CELF2: variants seen among roughly 807,000 people sequenced by gnomAD.
CELF2 encodes CUGBP Elav-like family member 2.
In CELF2, 8 loss-of-function variants were observed where a neutral mutation model predicts 62.6. The observed-to-expected ratio is 0.13, with a 90% confidence interval of 0.07 to 0.23. The LOEUF is 0.23. Ranked by LOEUF, CELF2 falls within the 10% of genes least tolerant of loss-of-function variation. The pLI is 1.00. For synonymous variants in CELF2, 258 were observed against 250.0 expected, an observed-to-expected ratio of 1.03 and a Z score of -0.30; for missense variants, 333 against 671.0, an observed-to-expected ratio of 0.50 and a Z score of 5.56.
the CELF2 span, among the ~76,000 whole-genome samples, chr10:10,736,321 G>A: frequency 6.7e-5 from 10 of 150,244 alleles, no homozygotes; most frequent in Non-Finnish European, 1.3e-4. Flanking sequence ...TTTTTGGCTT[G>A]TGGGGTTTGT....
chr10:11,064,194 G>C (rs1471785338), intron 1 of CELF2, among the ~76,000 whole-genome samples: 1 of 152,212 alleles, frequency 6.6e-6, no homozygotes, highest in Non-Finnish European at 1.5e-5. Flanking sequence ...TTCACTGACA[G>C]ATTTAACCTG....
At chr10:10,956,490 C>G (rs922449465) in intron 2 of CELF2, among the ~76,000 whole-genome samples, 3 of 152,210 alleles carry the variant, frequency 2.0e-5, no homozygotes, top group Non-Finnish European at 4.4e-5. Flanking sequence ...CCTGTTTCTG[C>G]TGCTTTTAAG....
At position 11,008,440 on chromosome 10, in the gene CELF2, A is replaced by T. The variant is rs1333911762; in HGVS notation, c.53+3000A>T. Reference sequence around the variant, plus strand: ...TTTGCTTTTTTTAAAATAGGAGGGTATACATTTGCAAAAATCTCCTTTTGG... The same window carrying T: ...TTTGCTTTTTTTAAAATAGGAGGGTTTACATTTGCAAAAATCTCCTTTTGG... On this transcript the variant is annotated intron_variant, in intron 1 of 12. Coordinates refer to the CELF2 transcript ENST00000416382. The surrounding 1 kb of genome is among the most constrained non-coding windows in gnomAD (Gnocchi z 4.5). Among the ~76,000 whole-genome samples the T allele has an allele frequency of 6.6e-6, 1 of 152,186 alleles. No individual in the cohort carries two copies. Among genetic ancestry groups the T allele is most frequent in the Non-Finnish European group, 1.5e-5 (1 of 68,030 alleles).
intron 1 of CELF2, among the ~76,000 whole-genome samples, chr10:10,918,938 T>C (rs1290054461): frequency 6.6e-6 from 1 of 152,156 alleles, no homozygotes; most frequent in Non-Finnish European, 1.5e-5. Context: ...CTTCTACTCA[T>C]TGTTCCCTTC....
intron 1 of CELF2, among the ~76,000 whole-genome samples, chr10:11,034,026 C>CT (rs1804042849): frequency 6.6e-6 from 1 of 152,200 alleles, no homozygotes; most frequent in South Asian, 2.1e-4. Context: ...TATTTAGTCT[C>CT]TAAGTCTCAT....
chr10:11,124,004 G>A (rs1015902214), intron 1 of CELF2, among the ~76,000 whole-genome samples: 3 of 152,150 alleles, frequency 2.0e-5, no homozygotes, highest in Admixed American at 6.5e-5. Flanking sequence ...GAAAGTGAAT[G>A]AGGAGCAAAG....
the CELF2 span, among the ~76,000 whole-genome samples, chr10:10,709,926 T>C: frequency 4.6e-5 from 7 of 152,242 alleles, no homozygotes; most frequent in Non-Finnish European, 1.0e-4. Context: ...AGTAACACTG[T>C]TATAGAAGGG....
In CELF2 at chr10:11,247,850, T is replaced by G. The variant is rs563800851; in HGVS notation, c.355-1303T>G. 1.5e-4 allele frequency among the ~76,000 whole-genome samples: 23 copies of G among 152,288 alleles called. No homozygotes were observed. Among genetic ancestry groups the G allele is most frequent in the African/African-American group, 5.5e-4 (23 of 41,544 alleles). ...AGGTCACATTCCTCAGCCCAACTCATGGCTTTCCACAGGTGACTTGTCCTG... is the reference window on the plus strand; with the variant it reads ...AGGTCACATTCCTCAGCCCAACTCAGGGCTTTCCACAGGTGACTTGTCCTG... On this transcript the variant is annotated intron_variant, in intron 3 of 12. Coordinates refer to ENST00000633077, the MANE Select transcript of CELF2 (RefSeq NM_001326342.2). The surrounding 1 kb of genome is among the most constrained non-coding windows in gnomAD (Gnocchi z 5.4).
In CELF2 at chr10:11,214,366, T is replaced by C. The variant is rs1427663037; in HGVS notation, c.272-3059T>C. ...TCCCCACGGTAAGTCATTCAGAAAC[T>C]AAATGTGAAAAACCAAAAGAAGCCT... On this transcript the variant is annotated intron_variant, in intron 2 of 12. Transcript: ENST00000633077. This position sits in a 1 kb window ranked among gnomAD's most constrained non-coding sequence, Gnocchi z 4.2. 6.6e-6 allele frequency among the ~76,000 whole-genome samples: 1 copy of C among 152,162 alleles called. No individual in the cohort carries two copies. The highest frequency in any genetic ancestry group is 2.4e-5 in the African/African-American group (1 of 41,438).
chr10:10,619,507 G>A, the CELF2 span, among the ~76,000 whole-genome samples: 2 of 152,142 alleles, frequency 1.3e-5, no homozygotes, highest in Non-Finnish European at 2.9e-5. Flanking sequence ...TTGTGTTGGC[G>A]AACACACCAT....
At chr10:10,915,030 A>C (rs1459668707) in intron 1 of CELF2, among the ~76,000 whole-genome samples, 1 of 151,838 alleles carries the variant, frequency 6.6e-6, no homozygotes, top group Non-Finnish European at 1.5e-5. Context: ...TACTCGGGAG[A>C]CTGAGGCAGA....
intron 8 of CELF2, 89 bp downstream of exon 8, chr10:11,275,209 GAGAACCA>G: frequency 7.9e-7 from 1 of 1,266,138 alleles, no homozygotes; most frequent in Non-Finnish European, 1.2e-6. Context: ...AGCAGGGGAA[GAGAACCA>G]AGAATGATGA....
At chr10:10,705,525 A>C in the CELF2 span, among the ~76,000 whole-genome samples, 1 of 152,164 alleles carries the variant, frequency 6.6e-6, no homozygotes, top group Non-Finnish European at 1.5e-5. Flanking sequence ...GGGGTAAAGA[A>C]ATTCCACCTA....
At chr10:10,463,207 A>G in the CELF2 span, among the ~76,000 whole-genome samples, 1 of 152,216 alleles carries the variant, frequency 6.6e-6, no homozygotes, top group Non-Finnish European at 1.5e-5. Flanking sequence ...TTGAGATGCT[A>G]ACTTTGTTCC....
chr10:10,985,310 C>A (rs2052611432), intron 2 of CELF2, among the ~76,000 whole-genome samples: 1 of 150,482 alleles, frequency 6.6e-6, no homozygotes, highest in South Asian at 2.1e-4. Flanking sequence ...TTCTTTAACA[C>A]CCATTAATAG....
intron 2 of CELF2, among the ~76,000 whole-genome samples, chr10:10,963,775 G>A (rs2049815812): frequency 6.6e-6 from 1 of 152,194 alleles, no homozygotes; most frequent in East Asian, 1.9e-4. Flanking sequence ...CATGTAAGGT[G>A]AAGAGAGGGG....
rs190460085 is a variant in CELF2 at position 11,062,580 on chromosome 10, C to T, written c.74+44417C>T. On this transcript the variant is annotated intron_variant, in intron 1 of 12. Transcript: ENST00000633077. ...TGTATGGTGGAGATAGCAAAGAATT[C>T]GAATTAGAGGTGGAGCGTGGAGATG... 2.0e-3 allele frequency among the ~76,000 whole-genome samples: 310 copies of T among 152,160 alleles called. 1 individual carries two copies. Among genetic ancestry groups the T allele is most frequent in the African/African-American group, 6.9e-3 (285 of 41,498 alleles).
chr10:10,777,833 C>T, the CELF2 span, among the ~76,000 whole-genome samples: 5 of 152,144 alleles, frequency 3.3e-5, no homozygotes, highest in African/African-American at 4.8e-5. Context: ...CACTTCCTGG[C>T]CCTTACCCTA....
chr10:10,482,577 A>G, the CELF2 span, among the ~76,000 whole-genome samples: 1 of 152,240 alleles, frequency 6.6e-6, no homozygotes, highest in African/African-American at 2.4e-5. Flanking sequence ...TCAAACTTAC[A>G]CCAAAGACAA....
Sources: gnomAD v4.1 joint callset for allele counts (sites outside exome capture counted in the v4.1 genomes callset) on GRCh38, gnomAD v4.1.1 for gene constraint, Gnocchi (gnomAD v3.1) non-coding constraint, MANE v1.5 for transcripts, NCBI Gene and HGNC (gene_info 2026-07-23, HGNC 2026-07-21) for gene names.